SEMA6D: variants seen among roughly 807,000 people sequenced by gnomAD.
SEMA6D encodes semaphorin-6D.
Under a neutral mutation model 106.6 loss-of-function variants are expected in SEMA6D, and 35 were observed. The ratio of observed to expected loss-of-function variants is 0.33; its 90% CI spans 0.25 to 0.44. The LOEUF (loss-of-function observed/expected upper bound fraction) is 0.44. SEMA6D is among the 20% of genes least tolerant of loss of function. SEMA6D has a pLI of 1.00. For missense variants in SEMA6D, 1,185 were observed against 1,345.9 expected (o/e 0.88, Z 1.87); for synonymous variants, 499 against 487.7 (o/e 1.02, Z -0.31).
At chr15:47,296,616 C>G (rs1044567213) in intron 1 of SEMA6D, among the ~76,000 whole-genome samples, 1 of 152,100 alleles carries the variant, frequency 6.6e-6, no homozygotes, top group Non-Finnish European at 1.5e-5. Flanking sequence ...AGTGAAGAAC[C>G]AGATACACTG....
chr15:47,437,359 T>C (rs988302470), intron 2 of SEMA6D, among the ~76,000 whole-genome samples: 1 of 152,094 alleles, frequency 6.6e-6, no homozygotes, highest in Admixed American at 6.6e-5. Flanking sequence ...TGATTTTCAG[T>C]AGGCAGTAAT....
chr15:47,331,668 A>G (rs987756047), intron 1 of SEMA6D, among the ~76,000 whole-genome samples: 4 of 152,194 alleles, frequency 2.6e-5, no homozygotes, highest in African/African-American at 9.6e-5. Flanking sequence ...TGTAATTACA[A>G]GTGGTTTTTA....
chr15:47,241,819 G>A (rs1271777569), intron 1 of SEMA6D, among the ~76,000 whole-genome samples: 2 of 152,032 alleles, frequency 1.3e-5, no homozygotes, highest in Non-Finnish European at 2.9e-5. Context: ...GTAGGTTCCT[G>A]AATCTAAAAG....
At chr15:47,513,117 A>AATGGG (rs2044282217) in intron 3 of SEMA6D, among the ~76,000 whole-genome samples, 1 of 152,104 alleles carries the variant, frequency 6.6e-6, no homozygotes, top group Non-Finnish European at 1.5e-5. Context: ...TATTAATGGA[A>AATGGG]ATGGGGAAAT....
chr15:47,390,572 T>TTTTG (rs71118180), intron 1 of SEMA6D, among the ~76,000 whole-genome samples: 75,812 of 151,606 alleles, frequency 0.5, 22,442 homozygotes, highest in African/African-American at 0.84. Flanking sequence ...TCACCGGTTT[T>TTTTG]TTTGTTTGTT....
At chr15:47,724,642 T>C (rs568628907) in intron 1 of SEMA6D, among the ~76,000 whole-genome samples, 1 of 144,884 alleles carries the variant, frequency 6.9e-6, no homozygotes, top group Non-Finnish European at 1.5e-5. Context: ...AGCCCAGGGG[T>C]GGGGTGGGGG....
intron 1 of SEMA6D, among the ~76,000 whole-genome samples, chr15:47,304,057 T>TA (rs748209608): frequency 1.3e-5 from 2 of 152,212 alleles, no homozygotes; most frequent in Non-Finnish European, 2.9e-5. Flanking sequence ...TCAGATTAGT[T>TA]AGAGTGTTTT....
At chr15:47,591,162 A>T (rs1032850590) in intron 3 of SEMA6D, among the ~76,000 whole-genome samples, 3 of 152,174 alleles carry the variant, frequency 2.0e-5, no homozygotes, top group Admixed American at 6.5e-5. Flanking sequence ...CTGCATCCTC[A>T]TGAGGTGGGA....
intron 1 of SEMA6D, among the ~76,000 whole-genome samples, chr15:47,226,987 C>G (rs2031722390): frequency 6.6e-6 from 1 of 151,904 alleles, no homozygotes; most frequent in Admixed American, 6.6e-5. Flanking sequence ...CAATATGTGT[C>G]CTATTCCCAA....
At chr15:47,680,884 A>G (rs974732944) in intron 4 of SEMA6D, among the ~76,000 whole-genome samples, 3 of 152,210 alleles carry the variant, frequency 2.0e-5, no homozygotes, top group African/African-American at 7.2e-5. Flanking sequence ...CAAAATCACA[A>G]TGAGGTATCA....
chr15:47,644,130 TA>T (rs903325240), intron 4 of SEMA6D, among the ~76,000 whole-genome samples: 7 of 151,738 alleles, frequency 4.6e-5, no homozygotes, highest in South Asian at 4.2e-4. Context: ...GTGAAATGGT[TA>T]AAAAAAAATC....
At chr15:47,475,988 C>T (rs551904059) in intron 3 of SEMA6D, among the ~76,000 whole-genome samples, 1 of 152,170 alleles carries the variant, frequency 6.6e-6, no homozygotes, top group Non-Finnish European at 1.5e-5. Flanking sequence ...GAAGTTTGGG[C>T]AAAGTGTGGT....
chr15:47,542,014 A>G (rs571300391), intron 3 of SEMA6D, among the ~76,000 whole-genome samples: 1 of 152,316 alleles, frequency 6.6e-6, no homozygotes, highest in East Asian at 1.9e-4. Context: ...ATATATGCAT[A>G]TATACAGAGC....
chr15:47,494,656 T>C (rs1214587538), intron 3 of SEMA6D, among the ~76,000 whole-genome samples: 1 of 148,278 alleles, frequency 6.7e-6, no homozygotes, highest in Non-Finnish European at 1.5e-5. Context: ...GCATATTTTA[T>C]TATAATTCAA....
intron 1 of SEMA6D, chr15:47,359,956 T>C (rs1166515702): frequency 6.6e-6 from 1 of 152,162 alleles, no homozygotes; most frequent in Admixed American, 6.5e-5. Context: ...AGGCATTGCT[T>C]GGTGTGATTT....
intron 3 of SEMA6D, among the ~76,000 whole-genome samples, chr15:47,559,229 C>A (rs146905390): frequency 6.6e-6 from 1 of 152,036 alleles, no homozygotes; most frequent in African/African-American, 2.4e-5. Context: ...TAAAGTGTTT[C>A]TCTTCAAGCA....
At chr15:47,228,034 TATAAGAATCTTATATATATA>T (rs1431206895) in intron 1 of SEMA6D, among the ~76,000 whole-genome samples, 1 of 143,616 alleles carries the variant, frequency 7.0e-6, no homozygotes, top group Non-Finnish European at 1.5e-5. Context: ...TTTTTATATA[TATAAGAATCTTATATATATA>T]TTTTTATATA....
intron 3 of SEMA6D, among the ~76,000 whole-genome samples, chr15:47,475,525 C>T (rs1479267710): frequency 6.6e-6 from 1 of 152,074 alleles, no homozygotes; most frequent in African/African-American, 2.4e-5. Context: ...CTGGAAAGCC[C>T]CCATACACTC....
chr15:47,647,492 A>C lies in SEMA6D; in HGVS notation c.-55+46596A>C, dbSNP rs193291662. ...ATTGAGTATTTTTGTGCATGTGCAA[A>C]ATGTGTAGGTTCACATACATTTCCA... On this transcript the variant is annotated intron_variant, in intron 4 of 19. Coordinates refer to the SEMA6D transcript ENST00000558014. Among the ~76,000 whole-genome samples the C allele has an allele frequency of 3.9e-5, 6 of 152,300 alleles. No individual in the cohort carries two copies. The East Asian group carries it at 1.2e-3, about 29-fold the overall frequency.
Sources: allele counts gnomAD v4.1 joint callset (sites outside exome capture counted in the v4.1 genomes callset), GRCh38; gene constraint gnomAD v4.1.1; transcripts MANE v1.5; gene names NCBI Gene and HGNC (gene_info 2026-07-23, HGNC 2026-07-21).